Variants in TUSC3 observed in about 807,000 individuals in gnomAD.
TUSC3 encodes the protein tumor suppressor candidate 3.
In TUSC3, 45 loss-of-function variants were observed where a neutral mutation model predicts 44.8. The ratio of observed to expected loss-of-function variants is 1.00; its 90% CI spans 0.79 to 1.29. The LOEUF (loss-of-function observed/expected upper bound fraction) is 1.29. TUSC3 is among the 50% of genes most tolerant of loss of function. TUSC3 has a pLI of 0.00. For missense variants in TUSC3, 519 were observed against 437.9 expected (o/e 1.19, Z -1.65); for synonymous variants, 212 against 152.9 (o/e 1.39, Z -2.85).
At chr8:15,578,033 C>G (rs1201449396) in intron 1 of TUSC3, among the ~76,000 whole-genome samples, 1 of 150,194 alleles carries the variant, frequency 6.7e-6, no homozygotes, top group East Asian at 1.9e-4. Context: ...CCTTCACATC[C>G]CTTGTAAGTT....
chr8:15,616,773 C>T (rs540588875), intron 1 of TUSC3, among the ~76,000 whole-genome samples: 10 of 152,250 alleles, frequency 6.6e-5, no homozygotes, highest in Non-Finnish European at 1.0e-4. Flanking sequence ...GGTGCTCTGC[C>T]GTTGCTGGCA....
chr8:15,848,048 G>C, the TUSC3 span, among the ~76,000 whole-genome samples: 1 of 152,062 alleles, frequency 6.6e-6, no homozygotes, highest in Non-Finnish European at 1.5e-5. Context: ...TGCTTTTCAG[G>C]ACTCACTATA....
At chr8:15,751,782 T>A (rs1420790445) in intron 9 of TUSC3, among the ~76,000 whole-genome samples, 1 of 152,198 alleles carries the variant, frequency 6.6e-6, no homozygotes, top group East Asian at 1.9e-4. Flanking sequence ...AGATCTTTGA[T>A]CCTAAGAGAT....
At chr8:15,672,434 G>T (rs980538303) in intron 5 of TUSC3, among the ~76,000 whole-genome samples, 2 of 151,926 alleles carry the variant, frequency 1.3e-5, no homozygotes, top group African/African-American at 4.8e-5. Flanking sequence ...AGTTTAGAAA[G>T]ATTGCTACCA....
At chr8:15,710,461 T>C (rs1809795339) in intron 6 of TUSC3, among the ~76,000 whole-genome samples, 1 of 151,824 alleles carries the variant, frequency 6.6e-6, no homozygotes, top group East Asian at 1.9e-4. Flanking sequence ...GCCTTCATTC[T>C]ACAGTGAGTA....
the TUSC3 span, among the ~76,000 whole-genome samples, chr8:15,814,838 G>A: frequency 6.6e-6 from 1 of 152,060 alleles, no homozygotes; most frequent in Non-Finnish European, 1.5e-5. Context: ...TGAAAACCAG[G>A]TGATCCAGGA....
At chr8:15,485,565 A>T (rs956863473) in intron 2 of TUSC3, among the ~76,000 whole-genome samples, 2 of 149,218 alleles carry the variant, frequency 1.3e-5, no homozygotes, top group African/African-American at 5.0e-5. Context: ...TACAAACACG[A>T]GCTAAACAAA....
chr8:15,500,613 G>A (rs1760147446), intron 2 of TUSC3, among the ~76,000 whole-genome samples: 1 of 152,182 alleles, frequency 6.6e-6, no homozygotes, highest in South Asian at 2.1e-4. Flanking sequence ...GGCACCAGTT[G>A]AACCTGGTAG....
chr8:15,757,666 A>G (rs1007398318), intron 9 of TUSC3, 125 bp from the exon 10 acceptor site: 9 of 1,220,150 alleles, frequency 7.4e-6, no homozygotes, highest in Admixed American at 1.9e-5. Flanking sequence ...ACCATCGTCT[A>G]TCCCCTGTCT....
At chr8:15,596,590 C>T (rs1481318238) in intron 1 of TUSC3, among the ~76,000 whole-genome samples, 1 of 152,096 alleles carries the variant, frequency 6.6e-6, no homozygotes, top group African/African-American at 2.4e-5. Context: ...GTGGGGCACA[C>T]TGTAAGTTGT....
the TUSC3 span, among the ~76,000 whole-genome samples, chr8:15,834,164 T>C: frequency 6.6e-6 from 1 of 152,178 alleles, no homozygotes; most frequent in African/African-American, 2.4e-5. Context: ...CTTACCGATA[T>C]TAAAACTTCT....
At chr8:15,464,906 A>G (rs1294649542) in intron 1 of TUSC3, among the ~76,000 whole-genome samples, 3 of 151,924 alleles carry the variant, frequency 2.0e-5, no homozygotes, top group African/African-American at 4.8e-5. Flanking sequence ...CTGGAGTGCA[A>G]TGGTGTGATC....
chr8:15,762,772 T>C (rs921795323), intron 10 of TUSC3, among the ~76,000 whole-genome samples: 1 of 152,092 alleles, frequency 6.6e-6, no homozygotes, highest in African/African-American at 2.4e-5. Flanking sequence ...ATGAACGCTA[T>C]CTTTTCAAAA....
At chr8:15,748,351 A>G in intron 8 of TUSC3, 24 bp from the exon 9 acceptor site, 1 of 1,558,948 alleles carries the variant, frequency 6.4e-7, no homozygotes, top group Non-Finnish European at 8.8e-7. Context: ...TTAGACACTA[A>G]TGGTATTTTC....
At chr8:15,504,894 C>T (rs1427772821) in intron 2 of TUSC3, among the ~76,000 whole-genome samples, 2 of 151,596 alleles carry the variant, frequency 1.3e-5, no homozygotes, top group African/African-American at 2.4e-5. Flanking sequence ...CATTGTGATT[C>T]GCCCACTTCA....
intron 2 of TUSC3, among the ~76,000 whole-genome samples, chr8:15,507,061 C>T (rs2129127778): frequency 6.6e-6 from 1 of 152,296 alleles, no homozygotes; most frequent in East Asian, 1.9e-4. Flanking sequence ...CCCATGTATA[C>T]ATATGAAATA....
At chr8:15,472,732 A>G (rs1193691066) in intron 1 of TUSC3, among the ~76,000 whole-genome samples, 3 of 152,216 alleles carry the variant, frequency 2.0e-5, no homozygotes, top group African/African-American at 7.2e-5. Flanking sequence ...GTTTTATTTC[A>G]TATGGTGCCG....
chr8:15,587,051 C>T (rs962717586), intron 1 of TUSC3, among the ~76,000 whole-genome samples: 1 of 152,132 alleles, frequency 6.6e-6, no homozygotes, highest in African/African-American at 2.4e-5. Context: ...TTCTTACTCC[C>T]TTCGACATGC....
intron 1 of TUSC3, among the ~76,000 whole-genome samples, chr8:15,598,929 A>G (rs563870772): frequency 3.3e-5 from 5 of 151,906 alleles, no homozygotes; most frequent in Admixed American, 2.0e-4. Flanking sequence ...GTGTGGACCT[A>G]AGTGTTCAAT....
Sources: gnomAD v4.1 joint callset for allele counts (sites outside exome capture counted in the v4.1 genomes callset) on GRCh38, gnomAD v4.1.1 for gene constraint, MANE v1.5 for transcripts, NCBI Gene and HGNC (gene_info 2026-07-23, HGNC 2026-07-21) for gene names.